CACNA1B: variants seen among roughly 807,000 people sequenced by gnomAD.
CACNA1B encodes the protein calcium voltage-gated channel subunit alpha1 B.
CACNA1B carries 70 observed loss-of-function variants against 247.2 expected under a neutral mutation model. The observed-to-expected ratio is 0.28, with a 90% CI of 0.23 to 0.35. The LOEUF (loss-of-function observed/expected upper bound fraction) is 0.35, where lower values mean the gene tolerates loss of function less well. Among genes scored for constraint, CACNA1B ranks in the 10% least tolerant of loss-of-function variants. The pLI is 1.00. For synonymous variants in CACNA1B, 1,231 were observed against 1,294.4 expected (o/e 0.95, Z 1.05); for missense variants, 2,367 against 3,197.4 (o/e 0.74, Z 6.26).
intron 18 of CACNA1B, among the ~76,000 whole-genome samples, chr9:138,015,397 G>C (rs117653520): frequency 1.4e-3 from 218 of 152,286 alleles, no homozygotes; most frequent in Non-Finnish European, 2.6e-3. Flanking sequence ...TGCTGTTTGC[G>C]TGCCTGTGTT....
At position 138,057,646 on chromosome 9, in the gene CACNA1B, C is replaced by A; in HGVS notation, c.3969-86C>A. 7.5e-7 allele frequency: 1 copy of A among 1,341,076 alleles called. No individual in the cohort carries two copies. The highest frequency in any genetic ancestry group is 1.0e-6 in the Non-Finnish European group (1 of 972,062). 83.1% of individuals were successfully genotyped at this position (1,341,076 alleles called of 1,614,324 possible). A position where few individuals can be genotyped will look rare whatever the true frequency, so the allele number is the denominator to read the frequency against. On this transcript the variant is annotated intron_variant, in intron 26 of 46. Coordinates refer to ENST00000371372, the MANE Select transcript of CACNA1B (RefSeq NM_000718.4). This position sits in a 1 kb window ranked among gnomAD's most constrained non-coding sequence, Gnocchi z 4.0. ...TCTGTTGGAGAGGCCATTCTTTCCCCACGGAATGGTTTCAACACTCTTGAT... is the reference window on the plus strand; with the variant it reads ...TCTGTTGGAGAGGCCATTCTTTCCCAACGGAATGGTTTCAACACTCTTGAT...
chr9:138,015,790 T>C (rs1412319771), intron 18 of CACNA1B, among the ~76,000 whole-genome samples: 1 of 152,188 alleles, frequency 6.6e-6, no homozygotes, highest in Non-Finnish European at 1.5e-5. Flanking sequence ...TGACAGCTGC[T>C]TGAAGGGACA....
intron 3 of CACNA1B, among the ~76,000 whole-genome samples, chr9:137,901,518 GTTA>G (rs1957239520): frequency 6.6e-6 from 1 of 151,982 alleles, no homozygotes; most frequent in Non-Finnish European, 1.5e-5. Flanking sequence ...TAGCGATGGG[GTTA>G]TTATTATTTT....
At chr9:138,047,570 A>G in intron 23 of CACNA1B, 112 bp downstream of exon 23, 1 of 743,152 alleles carries the variant, frequency 1.3e-6, no homozygotes, top group South Asian at 1.6e-5. Flanking sequence ...CTTAAGACAT[A>G]TGGTAGGTGT....
At chr9:138,036,998 G>C (rs1186063220) in intron 20 of CACNA1B, among the ~76,000 whole-genome samples, 1 of 152,138 alleles carries the variant, frequency 6.6e-6, no homozygotes, top group Non-Finnish European at 1.5e-5. Context: ...TTTGAGTCAG[G>C]ATTCAAATGA....
In CACNA1B at chr9:138,120,353, G is replaced by T. The variant is rs1456315865; in HGVS notation, c.6219G>T (p.Leu2073=). Reference sequence around the variant, plus strand: ...GGTCCCTGGAGAAGGGGCCCAGCCTGTCTGCCGATATGGATGGCGGTGCGT... The same window carrying T: ...GGTCCCTGGAGAAGGGGCCCAGCCTTTCTGCCGATATGGATGGCGGTGCGT... ...KQRSLEKGPS[L]SADMDGAPSS... The change falls in exon 45 of 47, where the codon CTG becomes CTT. Residue 2073 remains leucine (L), a synonymous_variant. Transcript: ENST00000371372. 9 of 1,555,620 alleles carry T rather than the reference G, an allele frequency of 5.8e-6. No homozygotes were observed. Among genetic ancestry groups the T allele is most frequent in the Non-Finnish European group, 7.8e-6 (9 of 1,156,726 alleles).
chr9:138,046,090 C>T (rs1055905338), intron 21 of CACNA1B, among the ~76,000 whole-genome samples: 1 of 152,178 alleles, frequency 6.6e-6, no homozygotes, highest in East Asian at 1.9e-4. Flanking sequence ...TGCACTCTCA[C>T]GTTGTGGCTC....
Position 137,882,690 on chromosome 9 carries a change from C to T in CACNA1B, c.391-54C>T, listed in dbSNP as rs1251942708. 3.8e-5 allele frequency: 61 copies of T among 1,605,944 alleles called. No homozygotes were observed. Among genetic ancestry groups the T allele is most frequent in the Admixed American group, 6.7e-5 (4 of 59,794 alleles). On this transcript the variant is annotated intron_variant, in intron 2 of 46. Coordinates refer to ENST00000371372, the MANE Select transcript of CACNA1B (RefSeq NM_000718.4). This position sits in a 1 kb window ranked among gnomAD's most constrained non-coding sequence, Gnocchi z 4.0. Reference sequence around the variant, plus strand: ...GGGGTCCTCACCAACCGTCTCTGCCCGCTACTACACCGGGTAGGGGCCAGG... The same window carrying T: ...GGGGTCCTCACCAACCGTCTCTGCCTGCTACTACACCGGGTAGGGGCCAGG...
chr9:138,101,792 G>A (rs1481088440), intron 37 of CACNA1B, among the ~76,000 whole-genome samples: 4 of 152,252 alleles, frequency 2.6e-5, no homozygotes, highest in Non-Finnish European at 5.9e-5. Flanking sequence ...CTGCCAGGAA[G>A]AGGCTGTCCC....
At chr9:138,090,072 T>TA (rs1032850403) in intron 36 of CACNA1B, among the ~76,000 whole-genome samples, 21 of 151,756 alleles carry the variant, frequency 1.4e-4, no homozygotes, top group Admixed American at 4.6e-4. Flanking sequence ...CATAGAAATA[T>TA]AAAAAAAATC....
intron 3 of CACNA1B, among the ~76,000 whole-genome samples, chr9:137,894,302 A>ATTTTTTTTTTTTTTTTTT (rs56794355): frequency 8.3e-5 from 8 of 96,068 alleles, no homozygotes; most frequent in Non-Finnish European, 1.6e-4. Flanking sequence ...TTGTCTCTGT[A>ATTTTTTTTTTTTTTTTTT]TTTTTTTTTT....
At chr9:138,068,616 A>G (rs778410091) in intron 31 of CACNA1B, 1 of 518,798 alleles carries the variant, frequency 1.9e-6, no homozygotes, top group African/African-American at 1.9e-5. Context: ...TGGAAACAGA[A>G]ATCTTTATTC....
intron 36 of CACNA1B, among the ~76,000 whole-genome samples, chr9:138,088,345 G>A (rs1009172102): frequency 1.3e-5 from 2 of 151,716 alleles, no homozygotes; most frequent in African/African-American, 4.8e-5. Context: ...CTCCAGCCTG[G>A]GTGACAAAGC....
At chr9:137,976,113 G>A in intron 12 of CACNA1B, 94 bp downstream of exon 12, 1 of 788,630 alleles carries the variant, frequency 1.3e-6, no homozygotes. Context: ...GTGGGCTGGG[G>A]TCTGTGACCC....
chr9:137,890,091 G>A (rs1410601167), intron 3 of CACNA1B: 5 of 149,334 alleles, frequency 3.3e-5, no homozygotes, highest in African/African-American at 7.3e-5. Context: ...TGGGGTCTCC[G>A]CGTCTCCATG....
intron 44 of CACNA1B, among the ~76,000 whole-genome samples, chr9:138,119,652 C>T (rs1186155671): frequency 6.6e-6 from 1 of 152,234 alleles, no homozygotes; most frequent in African/African-American, 2.4e-5. Context: ...TCTTTCCCCG[C>T]CCAGTGGTAC....
rs753715312 is a variant in CACNA1B, at chr9:137,917,290, G to A, written c.825G>A (p.Arg275=). Reference sequence around the variant, plus strand: ...CCTGTGGCAAGGAGGCCCCAGCCCGGCTGTGCGAGGGCGACACTGAGTGCC... The same window carrying A: ...CCTGTGGCAAGGAGGCCCCAGCCCGACTGTGCGAGGGCGACACTGAGTGCC... The part of the protein sequence containing the change: ...DFPCGKEAPA[R]LCEGDTECRE... The change falls in exon 6 of 47, where the codon CGG becomes CGA. Residue 275 remains arginine, a synonymous_variant. Transcript: ENST00000371372. This position sits in a 1 kb window ranked among gnomAD's most constrained non-coding sequence, Gnocchi z 5.5. 9 of 1,613,894 alleles carry A rather than the reference G, an allele frequency of 5.6e-6. No homozygotes were observed. In the South Asian group the frequency reaches 6.6e-5, roughly 12 times the overall value.
Position 138,062,712 on chromosome 9 carries a change from CT to C in CACNA1B, c.4668+2978del, listed in dbSNP as rs59476498. Among the ~76,000 whole-genome samples the C allele has an allele frequency of 2.8e-4, 42 of 152,354 alleles. No individual in the cohort carries two copies. The East Asian group carries it at 5.8e-3, about 21-fold the overall frequency. On this transcript the variant is annotated intron_variant, in intron 31 of 46. Transcript: ENST00000371372. ...CTTCTCTGTGGAGGCTTTCCCAGGA[CT>C]TTACCCAGTATCCTTACCTACCACA...
chr9:137,959,434 G>T (rs1957985440), intron 10 of CACNA1B, among the ~76,000 whole-genome samples: 1 of 152,068 alleles, frequency 6.6e-6, no homozygotes, highest in African/African-American at 2.4e-5. Context: ...TCCTTCTATT[G>T]CTATTTTATC....
Sources: gnomAD v4.1 joint callset for allele counts (sites outside exome capture counted in the v4.1 genomes callset) on GRCh38, gnomAD v4.1.1 for gene constraint, Gnocchi (gnomAD v3.1) non-coding constraint, MANE v1.5 for transcripts, NCBI Gene and HGNC (gene_info 2026-07-23, HGNC 2026-07-21) for gene names.